The following NOL4 variants were observed in gnomAD, a reference collection of about 807,000 sequenced individuals.
NOL4 encodes the protein cancer/testis antigen 125.
A neutral mutation model predicts 75.9 loss-of-function variants in NOL4; 17 were observed. That is an observed-to-expected ratio of 0.22 (90% confidence interval 0.15 to 0.34). NOL4 has a LOEUF of 0.34. Ranked by LOEUF, NOL4 falls within the 10% of genes least tolerant of loss-of-function variation. The probability of loss-of-function intolerance (pLI) is 1.00; values close to 1 mark genes in which losing one functional copy is unlikely to be tolerated. For missense variants in NOL4, 614 were observed against 793.5 expected (o/e 0.77, Z 2.72); for synonymous variants, 292 against 289.9 (o/e 1.01, Z -0.07).
chr18:33,887,115 CTA>C (rs966727262), intron 9 of NOL4, among the ~76,000 whole-genome samples: 1 of 137,170 alleles, frequency 7.3e-6, no homozygotes, highest in African/African-American at 2.7e-5. Context: ...ATCTCTGTAT[CTA>C]TATATATTAT....
At chr18:33,869,412 T>A (rs1410246727) in intron 10 of NOL4, among the ~76,000 whole-genome samples, 1 of 151,932 alleles carries the variant, frequency 6.6e-6, no homozygotes, top group Non-Finnish European at 1.5e-5. Flanking sequence ...AGGGATGAAA[T>A]TGGGGTGGGT....
chr18:34,072,810 A>G (rs2077579705), intron 5 of NOL4, among the ~76,000 whole-genome samples: 1 of 152,182 alleles, frequency 6.6e-6, no homozygotes, highest in Admixed American at 6.5e-5. Context: ...AATAAAACCA[A>G]ATATTTGGAA....
intron 1 of NOL4, among the ~76,000 whole-genome samples, chr18:34,203,715 TCTCACACACA>T (rs1278349643): frequency 7.7e-4 from 46 of 59,600 alleles, no homozygotes; most frequent in Admixed American, 2.4e-3. Context: ...TCTCTCTCTC[TCTCACACACA>T]CACACACACA....
chr18:34,060,046 A>G (rs1005733322), intron 5 of NOL4, among the ~76,000 whole-genome samples: 10 of 152,188 alleles, frequency 6.6e-5, no homozygotes. Flanking sequence ...AAGCATCACC[A>G]GCTAAGCTGT....
chr18:34,210,776 A>G (rs2146556876), intron 1 of NOL4, among the ~76,000 whole-genome samples: 1 of 152,346 alleles, frequency 6.6e-6, no homozygotes, highest in South Asian at 2.1e-4. Context: ...TTAATTTTAG[A>G]GAGTGACCTT....
At chr18:34,010,235 C>T (rs1005571623) in intron 6 of NOL4, among the ~76,000 whole-genome samples, 6 of 151,912 alleles carry the variant, frequency 3.9e-5, no homozygotes, top group Admixed American at 3.3e-4. Context: ...TTGGCTTCCA[C>T]GTATGAGTAA....
chr18:33,943,696 ATAAT>A (rs200369918), intron 8 of NOL4, among the ~76,000 whole-genome samples: 2,022 of 152,042 alleles, frequency 0.013, 43 homozygotes, highest in African/African-American at 0.046. Flanking sequence ...TTAAATATAA[ATAAT>A]TAAAAACTAA....
In NOL4 at chr18:34,024,191, AAAAAT is replaced by A. The variant is rs1222539145; in HGVS notation, c.773-4595_773-4591del. On this transcript the variant is annotated intron_variant, in intron 5 of 10. Coordinates refer to ENST00000261592, the MANE Select transcript of NOL4 (RefSeq NM_003787.5). ...AGGCAAAATAAACAGGAAAAAAAAAAAAAATATATATATATATATATATAAAATCC... is the reference window on the plus strand; with the variant it reads ...AGGCAAAATAAACAGGAAAAAAAAAAATATATATATATATATATAAAATCC... Among the ~76,000 whole-genome samples, 19 of 113,886 alleles carry A rather than the reference AAAAAT, an allele frequency of 1.7e-4. 1 individual carries two copies. Among genetic ancestry groups the A allele is most frequent in the African/African-American group, 4.7e-4 (14 of 29,958 alleles). 74.7% of individuals were successfully genotyped at this position (113,886 alleles called of 152,430 possible). A position where few individuals can be genotyped will look rare whatever the true frequency, so the allele number is the denominator to read the frequency against.
chr18:33,855,105 A>G (rs1348275658), intron 10 of NOL4, among the ~76,000 whole-genome samples: 1 of 152,092 alleles, frequency 6.6e-6, no homozygotes, highest in Admixed American at 6.6e-5. Context: ...GGATCAGGAT[A>G]GAGTGCATAA....
At chr18:34,119,620 TTTTTTA>T (rs2080028021) in intron 2 of NOL4, among the ~76,000 whole-genome samples, 1 of 151,976 alleles carries the variant, frequency 6.6e-6, no homozygotes, top group African/African-American at 2.4e-5. Context: ...CTGGGTTATT[TTTTTTA>T]TTTTTATTTT....
At chr18:34,132,897 T>C (rs1046254172) in intron 1 of NOL4, among the ~76,000 whole-genome samples, 2 of 151,948 alleles carry the variant, frequency 1.3e-5, no homozygotes, top group Admixed American at 6.6e-5. Flanking sequence ...CAGAATGCAA[T>C]GGGATGAAAT....
At chr18:33,965,108 T>G (rs2070469729) in intron 6 of NOL4, among the ~76,000 whole-genome samples, 1 of 152,132 alleles carries the variant, frequency 6.6e-6, no homozygotes, top group Admixed American at 6.6e-5. Context: ...TAAGTAAATA[T>G]GTAACAAAAT....
At chr18:33,919,413 C>A (rs1226436580) in intron 9 of NOL4, among the ~76,000 whole-genome samples, 1 of 152,122 alleles carries the variant, frequency 6.6e-6, no homozygotes, top group South Asian at 2.1e-4. Context: ...CAGGGCTAGA[C>A]CTGGGCTGCT....
At chr18:34,188,388 C>T (rs867511729) in intron 1 of NOL4, among the ~76,000 whole-genome samples, 20 of 152,130 alleles carry the variant, frequency 1.3e-4, no homozygotes, top group Admixed American at 2.6e-4. Flanking sequence ...GTATATATTG[C>T]AGATATTCCT....
At chr18:34,189,387 C>A (rs982805786) in intron 1 of NOL4, among the ~76,000 whole-genome samples, 7 of 152,230 alleles carry the variant, frequency 4.6e-5, no homozygotes, top group Admixed American at 3.3e-4. Flanking sequence ...AAAGGCCCCA[C>A]CTCTGAACAC....
rs1486488487 is a variant in NOL4, at chr18:34,070,198, A to AT, written c.772+23266dup. Among the ~76,000 whole-genome samples the AT allele has an allele frequency of 5.9e-5, 9 of 152,134 alleles. No individual in the cohort carries two copies. The South Asian group carries it at 1.9e-3, about 32-fold the overall frequency. On this transcript the variant is annotated intron_variant, in intron 5 of 10. Transcript: ENST00000261592. ...AGGTGCCTGCCACTGCGCCCAGCTA[A>AT]TTTTTTGTATTTTTAGTAGAGACGG...
chr18:34,105,920 C>A (rs1368183084), intron 2 of NOL4, among the ~76,000 whole-genome samples: 1 of 151,896 alleles, frequency 6.6e-6, no homozygotes, highest in Non-Finnish European at 1.5e-5. Context: ...TTTCTAAAAC[C>A]AAGTTCTCTC....
chr18:33,967,991 C>G (rs1170863493), intron 6 of NOL4, among the ~76,000 whole-genome samples: 1 of 152,074 alleles, frequency 6.6e-6, no homozygotes, highest in Non-Finnish European at 1.5e-5. Context: ...GGGGCTGAGG[C>G]AGAAGAATGG....
chr18:33,882,649 G>A (rs1392540356), intron 10 of NOL4, among the ~76,000 whole-genome samples: 1 of 150,480 alleles, frequency 6.6e-6, no homozygotes, highest in African/African-American at 2.5e-5. Context: ...TCAGTGTGGC[G>A]ATTCCTCAGG....
Sources: allele counts gnomAD v4.1 joint callset (sites outside exome capture counted in the v4.1 genomes callset), GRCh38; gene constraint gnomAD v4.1.1; transcripts MANE v1.5; gene names NCBI Gene and HGNC (gene_info 2026-07-23, HGNC 2026-07-21).